The following MASP1 variants were observed in gnomAD, a reference collection of about 807,000 sequenced individuals.
MASP1 encodes mannan-binding lectin serine protease 1.
MASP1 carries 59 observed loss-of-function variants against 77.1 expected under a neutral mutation model. That is an observed-to-expected ratio of 0.77 (90% CI 0.62 to 0.95). The LOEUF is 0.95. Among genes scored for constraint, MASP1 ranks in the 40% least tolerant of loss-of-function variants. The probability of loss-of-function intolerance (pLI) is 0.00; values close to 1 mark genes in which losing one functional copy is unlikely to be tolerated. For synonymous variants in MASP1, 362 were observed against 354.5 expected (o/e 1.02, Z -0.24); for missense variants, 885 against 912.9 (o/e 0.97, Z 0.39).
At chr3:187,291,341 A>T in intron 1 of MASP1, 1 of 531,136 alleles carries the variant, frequency 1.9e-6, no homozygotes, top group South Asian at 2.0e-5. Flanking sequence ...ATTCGCCAGC[A>T]GGCAGCACCC....
At chr3:187,241,376 C>G in intron 10 of MASP1, 105 bp downstream of exon 10, 1 of 887,582 alleles carries the variant, frequency 1.1e-6, no homozygotes, top group Non-Finnish European at 1.9e-6. Flanking sequence ...GCAACCAAAG[C>G]ATCACCTCCC....
chr3:187,257,088 C>A (rs546724749), intron 4 of MASP1, among the ~76,000 whole-genome samples: 2 of 152,150 alleles, frequency 1.3e-5, no homozygotes. Context: ...GGGCTGTTTA[C>A]CCTGTGTGAA....
At chr3:187,259,420 C>T (rs1579533829) in intron 4 of MASP1, among the ~76,000 whole-genome samples, 1 of 152,140 alleles carries the variant, frequency 6.6e-6, no homozygotes, top group East Asian at 1.9e-4. Flanking sequence ...GAAGGTCTTG[C>T]TTTTTAAATG....
At chr3:187,290,036 T>C (rs930357674) in intron 1 of MASP1, among the ~76,000 whole-genome samples, 5 of 152,080 alleles carry the variant, frequency 3.3e-5, no homozygotes, top group Admixed American at 2.0e-4. Flanking sequence ...ATTCAACAAA[T>C]AGGTATTGAA....
chr3:187,230,948 C>A (rs1186404563), downstream of MASP1, among the ~76,000 whole-genome samples: 1 of 152,182 alleles, frequency 6.6e-6, no homozygotes, highest in Non-Finnish European at 1.5e-5. Context: ...CACCTGCTAC[C>A]TTTGTAGCTG....
chr3:187,290,596 C>A (rs1377415644), intron 1 of MASP1, among the ~76,000 whole-genome samples: 2 of 152,076 alleles, frequency 1.3e-5, no homozygotes, highest in African/African-American at 4.8e-5. Flanking sequence ...TCTCTCTGAA[C>A]CACAGGTAAT....
exon 16 of MASP1, chr3:187,217,298 T>C (rs893638489): frequency 1.3e-5 from 2 of 152,236 alleles, no homozygotes; most frequent in Non-Finnish European, 2.9e-5. Flanking sequence ...TCAATGCAGA[T>C]GTTTATTAGA....
chr3:187,259,801 G>A (rs1715403779), intron 4 of MASP1, among the ~76,000 whole-genome samples: 1 of 152,178 alleles, frequency 6.6e-6, no homozygotes. Flanking sequence ...TTTGTCTCCA[G>A]ACTTGTGCTC....
In MASP1 at chr3:187,234,628, G is replaced by T. The variant is rs1170633724; in HGVS notation, c.*1056C>A. On this transcript the variant is annotated 3_prime_UTR_variant, in exon 11 of 11. Transcript: ENST00000296280. ...AGTGGGTCCCTCTGAACATCCTGCG[G>T]GGTGGATTCTCCGCCCAGCTCATGC... The T allele has an allele frequency of 7.8e-7, 1 of 1,287,218 alleles. No individual in the cohort carries two copies. The highest frequency in any genetic ancestry group is 1.0e-6 in the Non-Finnish European group (1 of 988,690). 79.7% of individuals were successfully genotyped at this position (1,287,218 alleles called of 1,614,324 possible). A position where few individuals can be genotyped will look rare whatever the true frequency, so the allele number is the denominator to read the frequency against.
At chr3:187,256,186 C>T (rs1715060451) in intron 5 of MASP1, among the ~76,000 whole-genome samples, 1 of 152,116 alleles carries the variant, frequency 6.6e-6, no homozygotes, top group African/African-American at 2.4e-5. Flanking sequence ...GGCCCAGCAG[C>T]ATAATTTGTG....
At chr3:187,287,379 G>A (rs904138133) in intron 1 of MASP1, among the ~76,000 whole-genome samples, 8 of 152,074 alleles carry the variant, frequency 5.3e-5, no homozygotes, top group Non-Finnish European at 1.2e-4. Flanking sequence ...CCACCATCCA[G>A]CTCAGAGCTT....
chr3:187,243,440 A>G, intron 9 of MASP1, 44 bp downstream of exon 9: 1 of 1,612,202 alleles, frequency 6.2e-7, no homozygotes, highest in East Asian at 2.2e-5. Flanking sequence ...TGAGGCCCCG[A>G]GAGTGTGAAA....
At position 187,236,053 on chromosome 3, in the gene MASP1, G is replaced by A; in HGVS notation, c.1818C>T (p.Ile606=). Residue 606 remains isoleucine (I), a synonymous_variant, in exon 11 of 11, where the codon ATC becomes ATT. Transcript: ENST00000296280. ...CTGACAAGGTCCGTGTGCCACTGCT[G>A]ATGATCTCATCCACTGTCACATTGG... The part of the protein sequence containing the change: ...SNPNVTVDEI[I]SSGTRTLSDV... The A allele has an allele frequency of 6.2e-7, 1 of 1,614,148 alleles. No individual in the cohort carries two copies. Among genetic ancestry groups the A allele is most frequent in the Non-Finnish European group, 8.5e-7 (1 of 1,180,050 alleles).
chr3:187,223,842 G>A (rs1005428320), intron 13 of MASP1, among the ~76,000 whole-genome samples: 2 of 152,204 alleles, frequency 1.3e-5, no homozygotes, highest in African/African-American at 4.8e-5. Flanking sequence ...CAGAAAACCT[G>A]TACTATATCC....
rs759598063 is a variant in MASP1 at position 187,260,841 on chromosome 3, C to T, written c.447G>A (p.Glu149=). The T allele has an allele frequency of 1.2e-6, 2 of 1,614,014 alleles. No homozygotes were observed. Among genetic ancestry groups the T allele is most frequent in the Non-Finnish European group, 1.7e-6 (2 of 1,180,012 alleles). ...GGCAGTAGTGGTCACAGGACAGCTC[C>T]TCGTCCTCCCTCTCCTTGCACTCGT... ...DVDECKERED[E]ELSCDHYCHN... is the part of the protein sequence containing the mutation. The change falls in exon 4 of 11, where the codon GAG becomes GAA. Residue 149 remains glutamate (E), a synonymous_variant. Coordinates refer to ENST00000296280, the MANE Select transcript of MASP1 (RefSeq NM_139125.4).
intron 5 of MASP1, among the ~76,000 whole-genome samples, chr3:187,255,223 A>G (rs1363485551): frequency 6.6e-6 from 1 of 152,144 alleles, no homozygotes; most frequent in Non-Finnish European, 1.5e-5. Context: ...TTTGAAGTGT[A>G]ATAGGAATTT....
At chr3:187,289,781 A>C (rs1208023967) in intron 1 of MASP1, among the ~76,000 whole-genome samples, 1 of 152,180 alleles carries the variant, frequency 6.6e-6, no homozygotes. Context: ...CGAAGACCCA[A>C]ATTTGAATCT....
intron 2 of MASP1, among the ~76,000 whole-genome samples, chr3:187,270,648 T>C (rs1716444525): frequency 6.6e-6 from 1 of 152,180 alleles, no homozygotes; most frequent in African/African-American, 2.4e-5. Context: ...AAGTCTGCCT[T>C]ACCACACTTT....
chr3:187,253,283 G>C lies in MASP1; in HGVS notation c.777C>G (p.Phe259Leu), dbSNP rs149204798. ...IKVGPKVLGP[F>L]CGEKAPEPIS... is the part of the protein sequence containing the mutation. ...TGGGTTCTGGGGCTTTCTCTCCACAGAAAGGCCCCAAAACTTTTGGACCAA... is the reference window on the plus strand; with the variant it reads ...TGGGTTCTGGGGCTTTCTCTCCACACAAAGGCCCCAAAACTTTTGGACCAA... The change falls in exon 6 of 11, where the codon TTC becomes TTG. Residue 259 changes from phenylalanine (F) to leucine (L), a missense_variant. By Grantham distance (22) the Phe-to-Leu change is conservative (BLOSUM62 0). Transcript: ENST00000296280. 13 of 1,614,146 alleles carry C rather than the reference G, an allele frequency of 8.1e-6. No individual in the cohort carries two copies. The African/African-American group carries it at 1.7e-4, about 22-fold the overall frequency.
Sources: allele counts gnomAD v4.1 joint callset (sites outside exome capture counted in the v4.1 genomes callset), GRCh38; gene constraint gnomAD v4.1.1; transcripts MANE v1.5; gene names NCBI Gene and HGNC (gene_info 2026-07-23, HGNC 2026-07-21).